The following MED12L variants were observed in gnomAD, a reference collection of about 807,000 sequenced individuals.
MED12L encodes the protein mediator of RNA polymerase II transcription subunit 12-like protein.
MED12L carries 60 observed loss-of-function variants against 281.3 expected under a neutral mutation model. That is an observed-to-expected ratio of 0.21 (90% CI 0.17 to 0.26). The LOEUF is 0.26. MED12L is among the 10% of genes least tolerant of loss of function. MED12L has a pLI of 1.00. For missense variants in MED12L, 2,146 were observed against 2,680.9 expected, an observed-to-expected ratio of 0.80 and a Z score of 4.41; for synonymous variants, 974 against 987.2, an observed-to-expected ratio of 0.99 and a Z score of 0.25.
Position 151,122,773 on chromosome 3 carries a change from C to G in MED12L, c.205-10C>G, listed in dbSNP as rs1293596836. On this transcript the variant is annotated splice_polypyrimidine_tract_variant and intron_variant, in intron 3 of 44. Transcript: ENST00000687756. ...TCTTAACTTTCCCTTTTTTTCTCTT[C>G]TTTCCACAGATTGGAGCTTATTTTA... The G allele has an allele frequency of 1.9e-6, 3 of 1,570,348 alleles. No homozygotes were observed. Among genetic ancestry groups the G allele is most frequent in the Non-Finnish European group, 2.6e-6 (3 of 1,159,752 alleles).
At chr3:151,164,373 C>T (rs1402757948) in intron 9 of MED12L, among the ~76,000 whole-genome samples, 1 of 152,062 alleles carries the variant, frequency 6.6e-6, no homozygotes, top group African/African-American at 2.4e-5. Context: ...CTTATTGGTA[C>T]TGGGTTATTT....
At chr3:151,419,912 A>AAAG (rs3975408) in intron 43 of MED12L, among the ~76,000 whole-genome samples, 129,297 of 152,002 alleles carry the variant, frequency 0.85, 55,234 homozygotes, top group Middle Eastern at 0.97. Context: ...GTTTTTAACA[A>AAAG]AAGGAGGAAG....
At chr3:151,414,890 TTAAA>T (rs1157619785) in intron 42 of MED12L, among the ~76,000 whole-genome samples, 5 of 152,196 alleles carry the variant, frequency 3.3e-5, no homozygotes, top group African/African-American at 1.2e-4. Context: ...GTAGAAAGGA[TTAAA>T]TAAGAATATT....
chr3:151,260,725 T>C (rs1365475910), intron 16 of MED12L, among the ~76,000 whole-genome samples: 1 of 152,168 alleles, frequency 6.6e-6, no homozygotes, highest in Non-Finnish European at 1.5e-5. Context: ...AGTGATCACT[T>C]TTCTGAGGTT....
At chr3:151,396,687 T>A (rs1408737341) in intron 39 of MED12L, among the ~76,000 whole-genome samples, 1 of 152,244 alleles carries the variant, frequency 6.6e-6, no homozygotes, top group African/African-American at 2.4e-5. Flanking sequence ...ATTCATTTTT[T>A]CATATCTACC....
chr3:151,401,427 G>A (rs1165213803), intron 39 of MED12L, among the ~76,000 whole-genome samples: 1 of 151,932 alleles, frequency 6.6e-6, no homozygotes, highest in Non-Finnish European at 1.5e-5. Flanking sequence ...TAGTATATGA[G>A]CATTTTTCTT....
intron 43 of MED12L, among the ~76,000 whole-genome samples, chr3:151,427,273 G>T (rs1173698536): frequency 6.6e-6 from 1 of 152,166 alleles, no homozygotes; most frequent in Non-Finnish European, 1.5e-5. Flanking sequence ...TATTTATTTT[G>T]AAAATGGTTT....
At chr3:151,135,269 G>A (rs566550275) in intron 5 of MED12L, among the ~76,000 whole-genome samples, 2 of 152,296 alleles carry the variant, frequency 1.3e-5, no homozygotes, top group East Asian at 3.9e-4. Context: ...TGCCCACCTT[G>A]GCCTCCCAAA....
intron 38 of MED12L, 141 bp downstream of exon 38, chr3:151,390,276 A>C: frequency 1.3e-6 from 1 of 791,258 alleles, no homozygotes; most frequent in Non-Finnish European, 2.0e-6. Flanking sequence ...CCCTTCACAC[A>C]GAAATGTTTT....
At chr3:151,189,075 T>A (rs950623290) in intron 13 of MED12L, among the ~76,000 whole-genome samples, 1 of 152,136 alleles carries the variant, frequency 6.6e-6, no homozygotes, top group Non-Finnish European at 1.5e-5. Flanking sequence ...ATTCTGAGAT[T>A]TTCATATGAC....
At chr3:151,257,336 C>A (rs1005427956) in intron 16 of MED12L, among the ~76,000 whole-genome samples, 1 of 152,148 alleles carries the variant, frequency 6.6e-6, no homozygotes, top group East Asian at 1.9e-4. Context: ...CATTTGTTGA[C>A]CTGTAGTCCT....
intron 16 of MED12L, among the ~76,000 whole-genome samples, chr3:151,223,986 A>T (rs562105719): frequency 6.6e-6 from 1 of 152,212 alleles, no homozygotes. Context: ...TGTATCTGTG[A>T]TATTTTATTT....
At position 151,126,727 on chromosome 3, in the gene MED12L, A is replaced by G. The variant is rs1044810307; in HGVS notation, c.397-1098A>G. Among the ~76,000 whole-genome samples the G allele has an allele frequency of 4.6e-5, 7 of 152,366 alleles. No individual in the cohort carries two copies. The South Asian group carries it at 1.4e-3, about 32-fold the overall frequency. Reference sequence around the variant, plus strand: ...GATCCTCTAAGAAAGGGTCACATCCATGGCCTGAAAGCACTTTGGTTGGCA... The same window carrying G: ...GATCCTCTAAGAAAGGGTCACATCCGTGGCCTGAAAGCACTTTGGTTGGCA... On this transcript the variant is annotated intron_variant, in intron 4 of 44. Coordinates refer to ENST00000687756, the MANE Select transcript of MED12L (RefSeq NM_001393769.1).
rs1577491146 is a variant in MED12L at position 151,375,939 on chromosome 3, C to G, written c.3865-87C>G. 3 of 622,680 alleles carry G rather than the reference C, an allele frequency of 4.8e-6. No individual in the cohort carries two copies. The East Asian group carries it at 9.8e-5, about 20-fold the overall frequency. The allele number at this position is 622,680 out of a possible 1,614,324, so 38.6% of individuals were successfully genotyped here. On this transcript the variant is annotated intron_variant, in intron 27 of 44. Transcript: ENST00000687756. ...GGAAAATTCCTATCAGTTTTCTATTCAATTATGCACTGTGGATTTAGTACA... is the reference window on the plus strand; with the variant it reads ...GGAAAATTCCTATCAGTTTTCTATTGAATTATGCACTGTGGATTTAGTACA...
At chr3:151,185,551 ATTC>A in intron 12 of MED12L, 90 bp downstream of exon 12, 1 of 1,385,224 alleles carries the variant, frequency 7.2e-7, no homozygotes, top group South Asian at 1.5e-5. Context: ...TCATTATGTT[ATTC>A]TTTTGCTCTT....
intron 11 of MED12L, among the ~76,000 whole-genome samples, chr3:151,184,325 C>CATGT (rs767466921): frequency 6.6e-6 from 1 of 152,214 alleles, no homozygotes; most frequent in African/African-American, 2.4e-5. Context: ...TAAGTTCATG[C>CATGT]ATGTATGTAT....
chr3:151,096,092 T>C lies in MED12L; in HGVS notation c.99+9067T>C, dbSNP rs112762140. On this transcript the variant is annotated intron_variant, in intron 2 of 44. Coordinates refer to ENST00000687756, the MANE Select transcript of MED12L (RefSeq NM_001393769.1). ...TTGGAAAGGTAATAAAAGAACATGATAGCTGGATCTGGGGCAACCATCTTA... is the reference window on the plus strand; with the variant it reads ...TTGGAAAGGTAATAAAAGAACATGACAGCTGGATCTGGGGCAACCATCTTA... 8.7e-3 allele frequency among the ~76,000 whole-genome samples: 1,330 copies of C among 152,302 alleles called. 14 individuals are homozygous for C. The highest frequency in any genetic ancestry group is 0.014 in the Non-Finnish European group (937 of 68,012).
intron 16 of MED12L, among the ~76,000 whole-genome samples, chr3:151,313,797 G>A (rs933858708): frequency 6.6e-6 from 1 of 151,986 alleles, no homozygotes; most frequent in African/African-American, 2.4e-5. Flanking sequence ...GGTGGTGGGC[G>A]CCTATAATCC....
intron 16 of MED12L, among the ~76,000 whole-genome samples, chr3:151,279,462 T>C (rs559521794): frequency 1.3e-5 from 2 of 152,352 alleles, no homozygotes; most frequent in African/African-American, 4.8e-5. Context: ...ATTTTCTTAC[T>C]TTCTGTCTCA....
Sources: allele counts gnomAD v4.1 joint callset (sites outside exome capture counted in the v4.1 genomes callset), GRCh38; gene constraint gnomAD v4.1.1; transcripts MANE v1.5; gene names NCBI Gene and HGNC (gene_info 2026-07-23, HGNC 2026-07-21).